Variants in GPHN observed in about 807,000 individuals in gnomAD.
GPHN encodes the protein gephyrin.
GPHN carries 17 observed loss-of-function variants against 95.5 expected under a neutral mutation model. The ratio of observed to expected loss-of-function variants is 0.18; its 90% CI spans 0.12 to 0.27. The LOEUF (loss-of-function observed/expected upper bound fraction) is 0.27, where lower values mean the gene tolerates loss of function less well. GPHN is among the 10% of genes least tolerant of loss of function. The pLI, the probability that GPHN is intolerant of heterozygous loss-of-function variation, is 1.00. For missense variants in GPHN, 660 were observed against 978.1 expected, an observed-to-expected ratio of 0.67 and a Z score of 4.34; for synonymous variants, 320 against 322.5, an observed-to-expected ratio of 0.99 and a Z score of 0.08.
intron 1 of GPHN, among the ~76,000 whole-genome samples, chr14:66,556,654 T>G (rs1833880894): frequency 6.6e-6 from 1 of 152,146 alleles, no homozygotes; most frequent in Non-Finnish European, 1.5e-5. Flanking sequence ...GAGCCAAAAC[T>G]TTTGGTCCCA....
chr14:66,949,478 C>T (rs2067962812), intron 8 of GPHN, among the ~76,000 whole-genome samples: 1 of 152,154 alleles, frequency 6.6e-6, no homozygotes, highest in Admixed American at 6.5e-5. Flanking sequence ...ATGCAGCCTA[C>T]CTTAATGATC....
At chr14:67,123,134 G>T (rs1302333633) in intron 17 of GPHN, among the ~76,000 whole-genome samples, 1 of 152,106 alleles carries the variant, frequency 6.6e-6, no homozygotes, top group Non-Finnish European at 1.5e-5. Flanking sequence ...TGGAGACAAG[G>T]CTCAGAGACA....
chr14:67,468,947 A>T, the GPHN span, among the ~76,000 whole-genome samples: 1 of 151,944 alleles, frequency 6.6e-6, no homozygotes, highest in African/African-American at 2.4e-5. Flanking sequence ...GGGCCCCCTC[A>T]GTCTTCTCGC....
the GPHN span, chr14:67,312,677 G>A: frequency 4.5e-5 from 73 of 1,611,234 alleles, no homozygotes; most frequent in Admixed American, 7.2e-4. Context: ...GGAAGGGGAC[G>A]AAGATAATCA....
chr14:66,658,180 T>C (rs2065416191), intron 1 of GPHN, among the ~76,000 whole-genome samples: 1 of 151,962 alleles, frequency 6.6e-6, no homozygotes, highest in African/African-American at 2.4e-5. Context: ...GCAAGAGAAA[T>C]AGAATTAGAA....
the GPHN span, chr14:67,397,998 G>C: frequency 2.2e-6 from 1 of 450,514 alleles, no homozygotes; most frequent in Non-Finnish European, 3.9e-6. Flanking sequence ...AAAGACCTTT[G>C]GCACTGACCT....
chr14:66,734,979 T>C (rs1050428621), intron 2 of GPHN, among the ~76,000 whole-genome samples: 3 of 152,204 alleles, frequency 2.0e-5, no homozygotes, highest in Non-Finnish European at 4.4e-5. Flanking sequence ...GCAAGCTGTC[T>C]AGCTTAAAGG....
chr14:67,327,702 A>T, the GPHN span, among the ~76,000 whole-genome samples: 1 of 150,536 alleles, frequency 6.6e-6, no homozygotes, highest in East Asian at 2.0e-4. Context: ...TGGTGTTCTC[A>T]TTGTTCAGTT....
intron 10 of GPHN, 136 bp downstream of exon 10, chr14:67,023,811 CTA>C: frequency 1.4e-6 from 1 of 734,048 alleles, no homozygotes; most frequent in East Asian, 2.7e-5. Context: ...CTTTTACCTT[CTA>C]AAAATATTGC....
At chr14:67,689,426 G>A in the GPHN span, among the ~76,000 whole-genome samples, 2 of 152,088 alleles carry the variant, frequency 1.3e-5, no homozygotes, top group African/African-American at 4.8e-5. Flanking sequence ...CCCTTCTCAA[G>A]CATATATTTC....
intron 1 of GPHN, among the ~76,000 whole-genome samples, chr14:66,572,803 A>C (rs2060749860): frequency 6.6e-6 from 1 of 152,192 alleles, no homozygotes; most frequent in South Asian, 2.1e-4. Context: ...GTTGAATAGA[A>C]GTCGTGAGAG....
intron 2 of GPHN, among the ~76,000 whole-genome samples, chr14:66,698,451 C>T (rs1595593174): frequency 6.6e-6 from 1 of 152,230 alleles, no homozygotes; most frequent in East Asian, 1.9e-4. Context: ...CTGATGTTGT[C>T]ATACTCTTTT....
chr14:66,754,718 A>G (rs1197363719), intron 2 of GPHN, among the ~76,000 whole-genome samples: 1 of 152,034 alleles, frequency 6.6e-6, no homozygotes, highest in Non-Finnish European at 1.5e-5. Context: ...TACAGAAATT[A>G]CACTAATTTT....
At chr14:66,586,853 A>G (rs1164860950) in intron 1 of GPHN, among the ~76,000 whole-genome samples, 7 of 152,188 alleles carry the variant, frequency 4.6e-5, no homozygotes, top group African/African-American at 1.7e-4. Context: ...ACTAGAAAAA[A>G]CAACAATATA....
chr14:67,729,432 C>T, the GPHN span: 9 of 1,545,210 alleles, frequency 5.8e-6, no homozygotes, highest in Admixed American at 1.7e-5. Context: ...TGGGAGGTGC[C>T]GGACTCGCTG....
chr14:67,602,958 G>A, the GPHN span, among the ~76,000 whole-genome samples: 1,433 of 152,190 alleles, frequency 9.4e-3, 30 homozygotes, highest in African/African-American at 0.033. Flanking sequence ...ACATTTTAAA[G>A]CATTATTATA....
the GPHN span, among the ~76,000 whole-genome samples, chr14:67,731,682 T>A: frequency 2.6e-5 from 4 of 152,090 alleles, no homozygotes; most frequent in Non-Finnish European, 5.9e-5. Context: ...AAAACTGGAA[T>A]ACAAAACTAT....
At chr14:67,199,310 A>G in the GPHN span, 3 of 1,610,508 alleles carry the variant, frequency 1.9e-6, no homozygotes, top group Non-Finnish European at 2.5e-6. Context: ...TGGGAAGCCA[A>G]TACGGGTGAA....
intron 8 of GPHN, among the ~76,000 whole-genome samples, chr14:66,932,674 G>C (rs10135117): frequency 6.7e-6 from 1 of 150,190 alleles, no homozygotes; most frequent in East Asian, 2.0e-4. Flanking sequence ...TCTAGGCTCA[G>C]GGCAGCTACC....
Sources: allele counts gnomAD v4.1 joint callset (sites outside exome capture counted in the v4.1 genomes callset), GRCh38; gene constraint gnomAD v4.1.1; transcripts MANE v1.5; gene names NCBI Gene and HGNC (gene_info 2026-07-23, HGNC 2026-07-21).